Variants in CERT1 observed in about 807,000 individuals in gnomAD.
CERT1 encodes the protein ceramide transporter 1.
A neutral mutation model predicts 87.9 loss-of-function variants in CERT1; 31 were observed. That is an observed-to-expected ratio of 0.35 (90% CI 0.27 to 0.48). CERT1 has a LOEUF of 0.48. Ranked by LOEUF, CERT1 falls within the 20% of genes least tolerant of loss-of-function variation. The pLI is 0.99. For synonymous variants in CERT1, 289 were observed against 250.9 expected (o/e 1.15, Z -1.44); for missense variants, 487 against 758.0 (o/e 0.64, Z 4.20).
chr5:75,386,260 G>A (rs1289734845), intron 12 of CERT1, among the ~76,000 whole-genome samples: 1 of 152,122 alleles, frequency 6.6e-6, no homozygotes, highest in Non-Finnish European at 1.5e-5. Context: ...TGTGATAAAT[G>A]ACTTATTGTG....
chr5:75,486,623 C>T (rs566000720), intron 2 of CERT1, among the ~76,000 whole-genome samples: 1 of 152,138 alleles, frequency 6.6e-6, no homozygotes, highest in African/African-American at 2.4e-5. Context: ...ACTATTAGAA[C>T]TGATACATTC....
Position 75,509,409 on chromosome 5 carries a change from G to T in CERT1, c.96+1703C>A, listed in dbSNP as rs144263444. On this transcript the variant is annotated intron_variant, in intron 1 of 16. Transcript: ENST00000643780. The stretch of plus-strand genomic sequence containing the variant: ...ATAACCATAAATTGGTAAATCTCAG[G>T]AAAATTTCCTTCATAGCTTTGAGCA... Among the ~76,000 whole-genome samples the T allele has an allele frequency of 1.1e-3, 164 of 152,140 alleles. 2 individuals are homozygous for T. The highest frequency in any genetic ancestry group is 3.8e-3 in the African/African-American group (157 of 41,508).
chr5:75,400,518 A>AG (rs1201733683), intron 9 of CERT1: 7 of 459,140 alleles, frequency 1.5e-5, no homozygotes, highest in Non-Finnish European at 2.7e-5. Context: ...ATACTATGTT[A>AG]GGCAAGGGAT....
intron 2 of CERT1, among the ~76,000 whole-genome samples, chr5:75,502,048 C>A (rs984768986): frequency 1.3e-5 from 2 of 151,280 alleles, no homozygotes; most frequent in Non-Finnish European, 1.5e-5. Flanking sequence ...AGACAAGTGA[C>A]AATGTGGGGG....
chr5:75,490,746 C>T (rs771291624), intron 2 of CERT1, among the ~76,000 whole-genome samples: 17 of 152,190 alleles, frequency 1.1e-4, no homozygotes, highest in Non-Finnish European at 2.1e-4. Context: ...GATCCGCCCA[C>T]CTCGGCCTCC....
intron 3 of CERT1, among the ~76,000 whole-genome samples, chr5:75,442,772 TA>T (rs1168536159): frequency 1.3e-5 from 2 of 151,150 alleles, no homozygotes; most frequent in Admixed American, 6.6e-5. Context: ...GAGGGGGAAA[TA>T]GGGGGAGAGA....
chr5:75,381,162 T>C lies in CERT1; in HGVS notation c.1657A>G (p.Met553Val). Residue 553 changes from methionine to valine, a missense_variant, in exon 16 of 17, where the codon ATG (methionine) becomes GTG (valine). Physicochemically the swap from Met to Val is conservative, Grantham distance 21 (BLOSUM62 1). Around this residue, in one of 8 missense-constraint regions of CERT1, gnomAD observed 147 missense variants for 200.8 expected, o/e 0.73. Transcript: ENST00000643780. ...RCVRAKINVA[M>V]ICQTLVSPPE... ...GGGCTTACCAAGGTTTGACAAATCA[T>C]AGCAACATTTATTTTGGCACGGACA... is the stretch of plus-strand genomic sequence containing the variant. The C allele has an allele frequency of 6.2e-7, 1 of 1,614,182 alleles. No individual in the cohort carries two copies. Among genetic ancestry groups the C allele is most frequent in the South Asian group, 1.1e-5 (1 of 91,086 alleles).
chr5:75,406,041 G>A (rs372610497), intron 8 of CERT1, among the ~76,000 whole-genome samples: 1 of 152,108 alleles, frequency 6.6e-6, no homozygotes, highest in East Asian at 1.9e-4. Context: ...AGTCACAATT[G>A]TTACTTTCAA....
chr5:75,396,392 A>G (rs1479094801), intron 11 of CERT1, among the ~76,000 whole-genome samples: 3 of 152,216 alleles, frequency 2.0e-5, no homozygotes, highest in Non-Finnish European at 4.4e-5. Context: ...GTTACCTCCC[A>G]TATCAAGCGC....
At chr5:75,438,677 A>T (rs1274051084) in intron 3 of CERT1, among the ~76,000 whole-genome samples, 1 of 152,150 alleles carries the variant, frequency 6.6e-6, no homozygotes, top group Admixed American at 6.5e-5. Flanking sequence ...TATAGTTACT[A>T]TAGGAGTATT....
At chr5:75,390,454 T>A (rs1476508252) in intron 11 of CERT1, among the ~76,000 whole-genome samples, 2 of 152,018 alleles carry the variant, frequency 1.3e-5, no homozygotes, top group Non-Finnish European at 2.9e-5. Context: ...CCTTTTAAAA[T>A]TTTTTAATTT....
intron 12 of CERT1, among the ~76,000 whole-genome samples, chr5:75,388,732 C>CT (rs934853689): frequency 3.3e-5 from 5 of 150,504 alleles, no homozygotes; most frequent in African/African-American, 1.2e-4. Flanking sequence ...CTCAAGGAAT[C>CT]TTTTGCCTCA....
chr5:75,497,354 T>C (rs1305982202), intron 2 of CERT1, among the ~76,000 whole-genome samples: 1 of 152,222 alleles, frequency 6.6e-6, no homozygotes, highest in Non-Finnish European at 1.5e-5. Flanking sequence ...TACTTTTATA[T>C]GTTATTTCTT....
At chr5:75,389,541 G>C (rs746677082) in intron 12 of CERT1, 51 bp downstream of exon 12, 13 of 1,344,236 alleles carry the variant, frequency 9.7e-6, no homozygotes, top group Middle Eastern at 3.6e-4. Context: ...ATGATAATAT[G>C]ACTGAAACAG....
chr5:75,407,763 C>T (rs1443810738), intron 8 of CERT1, among the ~76,000 whole-genome samples: 3 of 151,600 alleles, frequency 2.0e-5, no homozygotes, highest in Non-Finnish European at 4.4e-5. Flanking sequence ...AGCCAGTGCC[C>T]TTATACAAAG....
chr5:75,406,147 T>C (rs1762698289), intron 8 of CERT1, among the ~76,000 whole-genome samples: 1 of 152,256 alleles, frequency 6.6e-6, no homozygotes, highest in Admixed American at 6.5e-5. Context: ...GGATCTGAAC[T>C]AATTCTTGTT....
rs960504108 is a variant in CERT1, at chr5:75,398,692, C to T, written c.1188+618G>A. Among the ~76,000 whole-genome samples the T allele has an allele frequency of 2.0e-5, 3 of 152,154 alleles. No individual in the cohort carries two copies. In the East Asian group the frequency reaches 5.8e-4, roughly 29 times the overall value. ...ATTTTGAGGGTACAGACTTTAGAGA[C>T]CGCAAGCATCCAGCTTCCTGTCTTA... is the stretch of plus-strand genomic sequence containing the variant. On this transcript the variant is annotated intron_variant, in intron 11 of 16. Transcript: ENST00000643780.
intron 2 of CERT1, among the ~76,000 whole-genome samples, chr5:75,484,870 A>T (rs1766434091): frequency 6.6e-6 from 1 of 152,170 alleles, no homozygotes. Flanking sequence ...GACCAAATGG[A>T]CCTAAAAGAT....
intron 3 of CERT1, among the ~76,000 whole-genome samples, chr5:75,458,181 G>C (rs956737044): frequency 6.6e-6 from 1 of 152,102 alleles, no homozygotes; most frequent in Non-Finnish European, 1.5e-5. Flanking sequence ...TAATAATACA[G>C]ATTTATTAAT....
Sources: gnomAD v4.1 joint callset for allele counts (sites outside exome capture counted in the v4.1 genomes callset) on GRCh38, gnomAD v4.1.1 for gene constraint, gnomAD v4.1.1 regional missense constraint, MANE v1.5 for transcripts, NCBI Gene and HGNC (gene_info 2026-07-23, HGNC 2026-07-21) for gene names.